TAF4B: variants seen among roughly 807,000 people sequenced by gnomAD.
The protein encoded by TAF4B is TATA-box binding protein associated factor 4b.
TAF4B carries 38 observed loss-of-function variants against 86.4 expected under a neutral mutation model. That is an observed-to-expected ratio of 0.44 (90% CI 0.34 to 0.58). The LOEUF (loss-of-function observed/expected upper bound fraction) is 0.58. Among genes scored for constraint, TAF4B ranks in the 20% least tolerant of loss-of-function variants. The pLI, the probability that TAF4B is intolerant of heterozygous loss-of-function variation, is 0.02. For missense variants in TAF4B, 988 were observed against 1,027.6 expected (o/e 0.96, Z 0.53); for synonymous variants, 388 against 391.2 (o/e 0.99, Z 0.10).
intron 11 of TAF4B, among the ~76,000 whole-genome samples, chr18:26,324,639 T>G (rs558958407): frequency 2.6e-5 from 4 of 152,208 alleles, no homozygotes; most frequent in African/African-American, 7.2e-5. Flanking sequence ...AAGACCTCAC[T>G]AAGTTAGCTT....
chr18:26,362,995 T>C (rs1209412861), intron 14 of TAF4B, among the ~76,000 whole-genome samples: 1 of 152,202 alleles, frequency 6.6e-6, no homozygotes, highest in Non-Finnish European at 1.5e-5. Flanking sequence ...CCAGAGGTGA[T>C]TTCAAGTATA....
intron 3 of TAF4B, 40 bp from the exon 4 acceptor site, chr18:26,274,623 T>G (rs1359890866): frequency 5.0e-6 from 8 of 1,606,876 alleles, no homozygotes; most frequent in Non-Finnish European, 6.8e-6. Flanking sequence ...TAATGTATCA[T>G]AGTAATACAT....
chr18:26,352,595 T>A (rs2057254206), intron 13 of TAF4B, among the ~76,000 whole-genome samples: 1 of 152,012 alleles, frequency 6.6e-6, no homozygotes. Flanking sequence ...AGTGGTGAGA[T>A]CTCAGCTCAC....
At position 26,380,381 on chromosome 18, in the gene TAF4B, C is replaced by T. The variant is rs138883639; in HGVS notation, c.2422-9464C>T. ...TATCAACTTTGAAGATATTTCCTAA[C>T]TTCCATCCTGGTATCTTTTTTGACC... On this transcript the variant is annotated intron_variant, in intron 14 of 14. Coordinates refer to ENST00000269142, the MANE Select transcript of TAF4B (RefSeq NM_005640.3). Among the ~76,000 whole-genome samples, 82 of 152,316 alleles carry T rather than the reference C, an allele frequency of 5.4e-4. No homozygotes were observed. The East Asian group carries it at 0.012, about 22-fold the overall frequency.
At chr18:26,280,062 TG>T (rs1482503901) in intron 5 of TAF4B, among the ~76,000 whole-genome samples, 2 of 147,622 alleles carry the variant, frequency 1.4e-5, no homozygotes, top group East Asian at 2.0e-4. Flanking sequence ...AAAAAAGTAG[TG>T]GGGAAAGGAC....
At chr18:26,355,157 A>G (rs2057278024) in intron 13 of TAF4B, among the ~76,000 whole-genome samples, 1 of 152,232 alleles carries the variant, frequency 6.6e-6, no homozygotes, top group Non-Finnish European at 1.5e-5. Context: ...TATAAATGAC[A>G]TTTAAAAATT....
At chr18:26,314,614 A>G (rs2056883584) in intron 9 of TAF4B, among the ~76,000 whole-genome samples, 1 of 152,156 alleles carries the variant, frequency 6.6e-6, no homozygotes, top group Non-Finnish European at 1.5e-5. Flanking sequence ...GAAAAACAAA[A>G]CTAGTTTTAT....
intron 1 of TAF4B, among the ~76,000 whole-genome samples, chr18:26,246,156 A>G (rs749668389): frequency 1.4e-4 from 22 of 152,210 alleles, no homozygotes; most frequent in Non-Finnish European, 2.8e-4. Context: ...TCAGACATTA[A>G]TTAATGGTAA....
At chr18:26,244,218 G>A (rs1233063193) in intron 1 of TAF4B, among the ~76,000 whole-genome samples, 1 of 152,136 alleles carries the variant, frequency 6.6e-6, no homozygotes, top group Non-Finnish European at 1.5e-5. Flanking sequence ...GCTGCAGTGG[G>A]CTCCACCCAG....
intron 14 of TAF4B, 21 bp downstream of exon 14, chr18:26,357,815 A>T (rs1376511623): frequency 6.4e-7 from 1 of 1,550,724 alleles, no homozygotes; most frequent in South Asian, 1.2e-5. Flanking sequence ...AATATTCATT[A>T]TTTTATTTTT....
chr18:26,275,510 G>GC (rs1282815265), intron 5 of TAF4B, among the ~76,000 whole-genome samples: 3 of 152,062 alleles, frequency 2.0e-5, no homozygotes, highest in Non-Finnish European at 4.4e-5. Flanking sequence ...CTTCTTGAAA[G>GC]CTTTGTAAAG....
intron 14 of TAF4B, among the ~76,000 whole-genome samples, chr18:26,381,746 T>C (rs2057480719): frequency 6.6e-6 from 1 of 151,246 alleles, no homozygotes; most frequent in African/African-American, 2.4e-5. Flanking sequence ...AATAAATAAA[T>C]AAATAAATAA....
At chr18:26,235,375 C>G (rs763805929) in intron 1 of TAF4B, among the ~76,000 whole-genome samples, 4 of 152,140 alleles carry the variant, frequency 2.6e-5, no homozygotes, top group Admixed American at 1.3e-4. Flanking sequence ...TTGTTCCTTG[C>G]TGAGGGCCCT....
chr18:26,269,475 T>C lies in TAF4B; in HGVS notation c.597+1852T>C, dbSNP rs148947490. 3.3e-3 allele frequency among the ~76,000 whole-genome samples: 497 copies of C among 152,250 alleles called. 6 individuals are homozygous for C. Among genetic ancestry groups the C allele is most frequent in the African/African-American group, 0.011 (461 of 41,556 alleles). ...CTCCTAGTTTCCGAGTCAAGACATA[T>C]GTGATGAAACCAGTGGATCTGATAG... is the stretch of plus-strand genomic sequence containing the variant. On this transcript the variant is annotated intron_variant, in intron 3 of 14. Coordinates refer to ENST00000269142, the MANE Select transcript of TAF4B (RefSeq NM_005640.3).
chr18:26,319,675 C>CCT (rs2056944740), intron 10 of TAF4B, among the ~76,000 whole-genome samples: 1 of 152,024 alleles, frequency 6.6e-6, no homozygotes, highest in African/African-American at 2.4e-5. Context: ...CTGCAATTTC[C>CCT]GCCTCCCAGG....
intron 9 of TAF4B, among the ~76,000 whole-genome samples, chr18:26,301,723 T>A (rs74867254): frequency 0.014 from 2,172 of 152,332 alleles, 40 homozygotes; most frequent in African/African-American, 0.05. Context: ...GTCAGATCTG[T>A]ATGAAAAACA....
intron 14 of TAF4B, among the ~76,000 whole-genome samples, chr18:26,365,062 A>G (rs1475206044): frequency 7.4e-6 from 1 of 135,448 alleles, no homozygotes; most frequent in Admixed American, 8.4e-5. Flanking sequence ...GCGGGAGTGC[A>G]GTGTCGTAAT....
At chr18:26,329,623 C>G (rs1372099590) in intron 12 of TAF4B, among the ~76,000 whole-genome samples, 1 of 152,146 alleles carries the variant, frequency 6.6e-6, no homozygotes, top group Non-Finnish European at 1.5e-5. Flanking sequence ...TAAGCCTTAC[C>G]TTCTGTAGGA....
rs750028177 is a variant in TAF4B, at chr18:26,357,783, T to A, written c.2410T>A (p.Ser804Thr). 6.2e-7 allele frequency: 1 copy of A among 1,606,552 alleles called. No homozygotes were observed. Among genetic ancestry groups the A allele is most frequent in the Non-Finnish European group, 8.5e-7 (1 of 1,174,848 alleles). ...ACCAAGGAAGAAGAGACCACTAGAA[T>A]CTGGAATTGAGGTATTGAAATAATA... ...IGPRKKRPLESGIEGLKDNLL... is the reference protein window; with the variant it reads ...IGPRKKRPLETGIEGLKDNLL... Residue 804 changes from serine (S) to threonine (T), a missense_variant, in exon 14 of 15, where the codon TCT becomes ACT. Ser to Thr is a moderately conservative substitution (Grantham distance 58). This residue lies in a region of TAF4B where 216 missense variants were observed against 238.4 expected (regional missense o/e 0.91). Coordinates refer to ENST00000269142, the MANE Select transcript of TAF4B (RefSeq NM_005640.3).
Sources: allele counts gnomAD v4.1 joint callset (sites outside exome capture counted in the v4.1 genomes callset), GRCh38; gene constraint gnomAD v4.1.1; regional missense constraint gnomAD v4.1.1; transcripts MANE v1.5; gene names NCBI Gene and HGNC (gene_info 2026-07-23, HGNC 2026-07-21).